PTPRJ: variants seen among roughly 807,000 people sequenced by gnomAD.
PTPRJ encodes receptor-type tyrosine-protein phosphatase eta.
In PTPRJ, 129 loss-of-function variants were observed where a neutral mutation model predicts 141.3. That is an observed-to-expected ratio of 0.91 (90% confidence interval 0.79 to 1.06). The LOEUF (loss-of-function observed/expected upper bound fraction) is 1.06. Ranked by LOEUF, PTPRJ falls within the 50% of genes least tolerant of loss-of-function variation. PTPRJ has a pLI of 0.00. For missense variants in PTPRJ, 1,601 were observed against 1,679.7 expected (o/e 0.95, Z 0.82); for synonymous variants, 610 against 640.5 (o/e 0.95, Z 0.72).
intron 1 of PTPRJ, among the ~76,000 whole-genome samples, chr11:48,089,429 T>C (rs975063048): frequency 7.3e-5 from 11 of 150,614 alleles, no homozygotes; most frequent in African/African-American, 2.7e-4. Context: ...GGCAGGAAAA[T>C]TGCTTGAACC....
chr11:48,129,483 T>A (rs966145648), intron 7 of PTPRJ, among the ~76,000 whole-genome samples: 8 of 152,232 alleles, frequency 5.3e-5, no homozygotes, highest in African/African-American at 1.9e-4. Context: ...CTTAATTACC[T>A]CTTTGAAGAC....
At chr11:48,167,089 G>A (rs903164454) in intron 24 of PTPRJ, 115 bp from the exon 25 acceptor site, 2 of 900,022 alleles carry the variant, frequency 2.2e-6, no homozygotes, top group African/African-American at 3.4e-5. Context: ...GTTTGCTGTT[G>A]GGTGGATGGG....
At position 48,112,853 on chromosome 11, in the gene PTPRJ, T is replaced by C; in HGVS notation, c.222T>C (p.Thr74=). ...TAESFHKQNG[T]GTPQVETNTS... ...AATCCTTTCATAAACAGAATGGAAC[T>C]GGAACACCTCAGGTGGAAACAAACA... Residue 74 remains threonine (T), a synonymous_variant, in exon 3 of 25, where the codon ACT becomes ACC. Coordinates refer to ENST00000418331, the MANE Select transcript of PTPRJ (RefSeq NM_002843.4). 1 of 1,614,168 alleles carries C rather than the reference T, an allele frequency of 6.2e-7. No homozygotes were observed. Among genetic ancestry groups the C allele is most frequent in the African/African-American group, 1.3e-5 (1 of 75,040 alleles).
At chr11:48,119,235 T>G (rs1159036117) in intron 3 of PTPRJ, among the ~76,000 whole-genome samples, 2 of 152,160 alleles carry the variant, frequency 1.3e-5, no homozygotes, top group Non-Finnish European at 2.9e-5. Context: ...AGCACAGTGG[T>G]CATCTTCCAA....
intron 1 of PTPRJ, among the ~76,000 whole-genome samples, chr11:48,003,745 C>T (rs531269010): frequency 1.4e-3 from 212 of 152,282 alleles, no homozygotes; most frequent in Middle Eastern, 0.01. Flanking sequence ...ATCCACCCAC[C>T]TTGGCTCCTC....
intron 1 of PTPRJ, among the ~76,000 whole-genome samples, chr11:47,993,117 C>T (rs1854239978): frequency 6.6e-6 from 1 of 152,102 alleles, no homozygotes; most frequent in Non-Finnish European, 1.5e-5. Flanking sequence ...TGTCGAGAGG[C>T]ACTTCAGGAA....
intron 1 of PTPRJ, among the ~76,000 whole-genome samples, chr11:48,033,522 C>T (rs1854042363): frequency 6.6e-6 from 1 of 152,128 alleles, no homozygotes; most frequent in Non-Finnish European, 1.5e-5. Context: ...GATACAAGTA[C>T]CTGTTCATCT....
intron 1 of PTPRJ, among the ~76,000 whole-genome samples, chr11:48,002,390 G>A (rs566785183): frequency 6.6e-6 from 1 of 152,016 alleles, no homozygotes; most frequent in Non-Finnish European, 1.5e-5. Context: ...TGCCCACCTC[G>A]GCCTCCCAAA....
chr11:48,071,411 G>A (rs1241204333), intron 1 of PTPRJ, among the ~76,000 whole-genome samples: 2 of 151,800 alleles, frequency 1.3e-5, no homozygotes, highest in Non-Finnish European at 2.9e-5. Context: ...CCGCCTCCCG[G>A]GTTCACGCCA....
intron 1 of PTPRJ, among the ~76,000 whole-genome samples, chr11:48,028,783 C>T (rs577756898): frequency 6.6e-6 from 1 of 152,326 alleles, no homozygotes; most frequent in Non-Finnish European, 1.5e-5. Context: ...AAGAGTGAAA[C>T]TCCGTCTCAA....
intron 2 of PTPRJ, among the ~76,000 whole-genome samples, chr11:48,112,322 T>C (rs1856461278): frequency 6.6e-6 from 1 of 152,028 alleles, no homozygotes; most frequent in Admixed American, 6.5e-5. Flanking sequence ...TCCAGGAGTA[T>C]GATGAAGGGA....
intron 4 of PTPRJ, among the ~76,000 whole-genome samples, chr11:48,122,354 C>T (rs988674854): frequency 1.3e-5 from 2 of 152,116 alleles, no homozygotes; most frequent in Non-Finnish European, 1.5e-5. Flanking sequence ...AAAGGGGATG[C>T]GGAGGTGCAG....
chr11:48,095,934 T>C (rs758918604), intron 1 of PTPRJ, among the ~76,000 whole-genome samples: 5 of 152,188 alleles, frequency 3.3e-5, no homozygotes, highest in Non-Finnish European at 5.9e-5. Context: ...GCCACAGCCG[T>C]GGTTGGCCAC....
At chr11:48,065,263 C>T (rs541223237) in intron 1 of PTPRJ, among the ~76,000 whole-genome samples, 2 of 152,174 alleles carry the variant, frequency 1.3e-5, no homozygotes, top group South Asian at 4.1e-4. Flanking sequence ...ATCTGCCTGC[C>T]TCTGCCTCCC....
At chr11:48,077,295 A>G (rs1431621423) in intron 1 of PTPRJ, among the ~76,000 whole-genome samples, 1 of 152,200 alleles carries the variant, frequency 6.6e-6, no homozygotes, top group Non-Finnish European at 1.5e-5. Flanking sequence ...GTTGCAGGTT[A>G]CATAGCAGAA....
At chr11:48,164,308 C>A in intron 23 of PTPRJ, 72 bp from the exon 24 acceptor site, 1 of 1,565,798 alleles carries the variant, frequency 6.4e-7, no homozygotes, top group Admixed American at 1.8e-5. Flanking sequence ...GATATATGTA[C>A]AAATGAGGAA....
chr11:47,993,043 T>C (rs1467987527), intron 1 of PTPRJ, among the ~76,000 whole-genome samples: 1 of 152,142 alleles, frequency 6.6e-6, no homozygotes, highest in Non-Finnish European at 1.5e-5. Flanking sequence ...CAATTATGCA[T>C]TGTCAGTGTC....
chr11:48,060,269 T>A (rs949227828), intron 1 of PTPRJ, among the ~76,000 whole-genome samples: 1 of 152,212 alleles, frequency 6.6e-6, no homozygotes, highest in Admixed American at 6.5e-5. Flanking sequence ...TTTTATTTTT[T>A]GAAAAATGTT....
chr11:48,139,874 T>G, intron 11 of PTPRJ, 98 bp downstream of exon 11: 1 of 1,277,868 alleles, frequency 7.8e-7, no homozygotes, highest in Non-Finnish European at 1.1e-6. Context: ...AAATCTGTTT[T>G]TGTTTTTTTA....
Sources: gnomAD v4.1 joint callset for allele counts (sites outside exome capture counted in the v4.1 genomes callset) on GRCh38, gnomAD v4.1.1 for gene constraint, MANE v1.5 for transcripts, NCBI Gene and HGNC (gene_info 2026-07-23, HGNC 2026-07-21) for gene names.